CAST: variants seen among roughly 807,000 people sequenced by gnomAD.
CAST encodes the protein MIR583 host.
CAST carries 76 observed loss-of-function variants against 119.6 expected under a neutral mutation model. That is an observed-to-expected ratio of 0.64 (90% CI 0.53 to 0.77). CAST has a LOEUF of 0.77. CAST is among the 30% of genes least tolerant of loss of function. The pLI is 0.00. For synonymous variants in CAST, 319 were observed against 331.6 expected (o/e 0.96, Z 0.41); for missense variants, 953 against 946.5 (o/e 1.01, Z -0.09).
chr5:96,286,014 G>T, the CAST span, among the ~76,000 whole-genome samples: 1 of 152,314 alleles, frequency 6.6e-6, no homozygotes, highest in South Asian at 2.1e-4. Flanking sequence ...AAGTGAGGCT[G>T]AAAAGCTAGT....
the CAST span, among the ~76,000 whole-genome samples, chr5:96,337,784 ACTT>A: frequency 2.6e-5 from 4 of 152,200 alleles, no homozygotes; most frequent in Non-Finnish European, 5.9e-5. Flanking sequence ...ACATCTTTGG[ACTT>A]GATTTCTGAC....
At chr5:96,524,342 A>G (rs575413847), upstream of CAST, among the ~76,000 whole-genome samples, 45 of 152,380 alleles carry the variant, frequency 3.0e-4, 1 homozygote, top group Admixed American at 1.4e-3. Context: ...CAGGAAGACA[A>G]TGACAGTGAA....
the CAST span, among the ~76,000 whole-genome samples, chr5:96,042,613 C>T: frequency 6.6e-6 from 1 of 152,054 alleles, no homozygotes; most frequent in African/African-American, 2.4e-5. Flanking sequence ...TTAGTGGAGC[C>T]TCCCATTTAG....
At chr5:96,108,179 G>A in the CAST span, among the ~76,000 whole-genome samples, 198 of 151,892 alleles carry the variant, frequency 1.3e-3, 1 homozygote, top group African/African-American at 3.8e-3. Context: ...ATGTCCTCCC[G>A]TAGCTTGGAG....
At chr5:96,615,288 C>T (rs554541452) in intron 1 of CAST, among the ~76,000 whole-genome samples, 7 of 152,262 alleles carry the variant, frequency 4.6e-5, no homozygotes, top group African/African-American at 1.4e-4. Context: ...TTTCTATTTC[C>T]AGTAAGTTTA....
the CAST span, among the ~76,000 whole-genome samples, chr5:96,340,624 C>T: frequency 1.3e-3 from 191 of 152,246 alleles, no homozygotes; most frequent in Non-Finnish European, 2.4e-3. Flanking sequence ...AGAGAAGAAT[C>T]GAGGTAAATC....
chr5:96,534,847 A>T (rs1745772557), intron 1 of CAST, among the ~76,000 whole-genome samples: 1 of 129,632 alleles, frequency 7.7e-6, no homozygotes. Flanking sequence ...GAAGGAAGGA[A>T]GGAGGGAGGG....
the CAST span, among the ~76,000 whole-genome samples, chr5:95,963,312 C>A: frequency 1.3e-5 from 2 of 152,094 alleles, no homozygotes; most frequent in Non-Finnish European, 2.9e-5. Context: ...CCCCACCGTA[C>A]GGGTACACTC....
the CAST span, among the ~76,000 whole-genome samples, chr5:96,364,599 G>A: frequency 6.6e-6 from 1 of 152,308 alleles, no homozygotes; most frequent in African/African-American, 2.4e-5. Context: ...AGATTTTCTA[G>A]TTTGTTTGCG....
the CAST span, chr5:96,393,345 T>C: frequency 2.3e-3 from 3,674 of 1,614,020 alleles, 4 homozygotes; most frequent in Admixed American, 2.7e-3. Flanking sequence ...GACACCAGGG[T>C]GTTCTCCTTA....
intron 20 of CAST, among the ~76,000 whole-genome samples, chr5:96,753,078 C>T (rs1380986725): frequency 6.6e-6 from 1 of 151,818 alleles, no homozygotes; most frequent in Non-Finnish European, 1.5e-5. Context: ...ACTGCAACCT[C>T]AACCTCCTGA....
the CAST span, among the ~76,000 whole-genome samples, chr5:96,205,972 T>A: frequency 2.0e-5 from 3 of 152,012 alleles, no homozygotes; most frequent in Non-Finnish European, 4.4e-5. Context: ...AGCCTTGCCA[T>A]CATCTGCTAT....
chr5:96,052,288 G>A, the CAST span, among the ~76,000 whole-genome samples: 1 of 152,182 alleles, frequency 6.6e-6, no homozygotes. Flanking sequence ...TGGTGGGCTA[G>A]ATCGGTCAGA....
At chr5:96,340,594 C>T in the CAST span, among the ~76,000 whole-genome samples, 3 of 152,224 alleles carry the variant, frequency 2.0e-5, no homozygotes, top group Admixed American at 6.5e-5. Context: ...TGCCAGGTCC[C>T]GGTAGGAGCA....
chr5:96,222,387 T>C, the CAST span, among the ~76,000 whole-genome samples: 1 of 151,900 alleles, frequency 6.6e-6, no homozygotes, highest in Non-Finnish European at 1.5e-5. Flanking sequence ...ATCCAAAATA[T>C]ACAAAGACCT....
chr5:96,558,727 AC>A (rs1457674005), intron 1 of CAST, among the ~76,000 whole-genome samples: 13 of 152,222 alleles, frequency 8.5e-5, no homozygotes, highest in East Asian at 1.9e-4. Context: ...TAGCTTACCA[AC>A]CAAAAAAGTC....
chr5:96,086,932 G>A, the CAST span, among the ~76,000 whole-genome samples: 1 of 152,138 alleles, frequency 6.6e-6, no homozygotes, highest in East Asian at 1.9e-4. Flanking sequence ...TTTGGTTGAG[G>A]TCTACTTTTT....
chr5:96,276,060 C>T, the CAST span, among the ~76,000 whole-genome samples: 1 of 152,162 alleles, frequency 6.6e-6, no homozygotes, highest in Non-Finnish European at 1.5e-5. Flanking sequence ...ACTGATGTTT[C>T]CTAACCCACC....
At chr5:96,267,041 T>C in the CAST span, among the ~76,000 whole-genome samples, 2 of 152,166 alleles carry the variant, frequency 1.3e-5, no homozygotes, top group Non-Finnish European at 2.9e-5. Context: ...AAAAATGTAT[T>C]AGAGGCTCTC....
Sources: gnomAD v4.1 joint callset for allele counts (sites outside exome capture counted in the v4.1 genomes callset) on GRCh38, gnomAD v4.1.1 for gene constraint, MANE v1.5 for transcripts, NCBI Gene and HGNC (gene_info 2026-07-23, HGNC 2026-07-21) for gene names.